CHD7: variants seen among roughly 807,000 people sequenced by gnomAD.
CHD7 encodes chromodomain helicase DNA binding protein 7, also known as ATP-dependent chromatin remodeler CHD7.
CHD7 carries 24 observed loss-of-function variants against 307.3 expected under a neutral mutation model. The observed-to-expected ratio is 0.08, with a 90% CI of 0.06 to 0.11. The LOEUF (loss-of-function observed/expected upper bound fraction) is 0.11, where lower values mean the gene tolerates loss of function less well. CHD7 is among the 10% of genes least tolerant of loss of function. CHD7 has a pLI of 1.00. For synonymous variants in CHD7, 1,363 were observed against 1,349.9 expected (o/e 1.01, Z -0.21); for missense variants, 3,106 against 3,727.1 (o/e 0.83, Z 4.34).
chr8:60,702,325 G>T (rs9643371), intron 1 of CHD7, among the ~76,000 whole-genome samples: 100,364 of 152,066 alleles, frequency 0.66, 35,260 homozygotes, highest in East Asian at 0.93. Flanking sequence ...GAAAATATAG[G>T]ATATTCTTAT....
rs760121832 is a variant in CHD7 at position 60,742,654 on chromosome 8, A to C, written c.1222A>C (p.Thr408Pro). The C allele has an allele frequency of 6.2e-7, 1 of 1,610,336 alleles. No individual in the cohort carries two copies. Among genetic ancestry groups the C allele is most frequent in the Non-Finnish European group, 8.5e-7 (1 of 1,177,446 alleles). ...PMKAMSNPAG[T>P]PPPQVRPGSA... is the part of the protein sequence containing the mutation. ...GAAAGCAATGAGTAATCCAGCAGGC[A>C]CTCCTCCTCCACAAGTCAGGCCGGG... The change falls in exon 2 of 38, where the codon ACT (threonine) becomes CCT (proline). Residue 408 changes from threonine to proline, a missense_variant. Physicochemically the swap from Thr to Pro is conservative, Grantham distance 38. Around this residue, in one of 10 missense-constraint regions of CHD7, gnomAD observed 998 missense variants for 1,004.5 expected, o/e 0.99. Transcript: ENST00000423902.
At chr8:60,707,023 A>C (rs1807057334) in intron 1 of CHD7, among the ~76,000 whole-genome samples, 1 of 151,992 alleles carries the variant, frequency 6.6e-6, no homozygotes, top group African/African-American at 2.4e-5. Flanking sequence ...CCTGTGTCCA[A>C]GTGTTCCCAT....
chr8:60,784,835 T>C (rs1395498338), intron 3 of CHD7, among the ~76,000 whole-genome samples: 3 of 152,294 alleles, frequency 2.0e-5, no homozygotes, highest in East Asian at 3.9e-4. Context: ...GAAAAAGACA[T>C]GTAAAACCTT....
chr8:60,769,805 C>T (rs1423825829), intron 2 of CHD7, among the ~76,000 whole-genome samples: 1 of 152,128 alleles, frequency 6.6e-6, no homozygotes, highest in Non-Finnish European at 1.5e-5. Context: ...ACTCTTCTGT[C>T]CCTATTTGAC....
intron 13 of CHD7, chr8:60,824,243 A>G (rs368927792): frequency 2.4e-5 from 11 of 460,272 alleles, no homozygotes; most frequent in Middle Eastern, 5.4e-4. Context: ...TGTAATCATG[A>G]TAGTTTCACT....
At chr8:60,843,416 C>T (rs1805060959) in intron 21 of CHD7, among the ~76,000 whole-genome samples, 1 of 152,214 alleles carries the variant, frequency 6.6e-6, no homozygotes, top group Admixed American at 6.5e-5. Context: ...TAAATAACTC[C>T]TACAGCTAAG....
intron 34 of CHD7, among the ~76,000 whole-genome samples, chr8:60,858,549 C>A (rs1276631300): frequency 1.3e-5 from 2 of 152,200 alleles, no homozygotes; most frequent in African/African-American, 4.8e-5. Context: ...GAAGTTTCTG[C>A]AGCTGACACT....
At chr8:60,691,001 T>G (rs866739908) in intron 1 of CHD7, among the ~76,000 whole-genome samples, 16 of 152,312 alleles carry the variant, frequency 1.1e-4, no homozygotes, top group Middle Eastern at 3.4e-3. Flanking sequence ...CTCGGCTCAC[T>G]GCCCACCTCC....
At chr8:60,835,634 C>A (rs767903889) in intron 15 of CHD7, among the ~76,000 whole-genome samples, 1 of 152,164 alleles carries the variant, frequency 6.6e-6, no homozygotes, top group Non-Finnish European at 1.5e-5. Flanking sequence ...ATTGTTAGGA[C>A]TCTATTCCTT....
At chr8:60,833,681 C>T (rs115678024) in intron 15 of CHD7, among the ~76,000 whole-genome samples, 1 of 152,198 alleles carries the variant, frequency 6.6e-6, no homozygotes, top group African/African-American at 2.4e-5. Context: ...TTGATATACA[C>T]ACTTTCCAGT....
At chr8:60,783,267 G>C (rs572860677) in intron 3 of CHD7, among the ~76,000 whole-genome samples, 1 of 152,048 alleles carries the variant, frequency 6.6e-6, no homozygotes, top group Non-Finnish European at 1.5e-5. Context: ...GAGTCCTTTG[G>C]GGCAGATATT....
intron 1 of CHD7, among the ~76,000 whole-genome samples, chr8:60,711,442 T>A (rs2150524710): frequency 6.6e-6 from 1 of 152,314 alleles, no homozygotes; most frequent in Admixed American, 6.5e-5. Context: ...ATTGTCCCTG[T>A]CTTTTCTGAG....
At position 60,757,407 on chromosome 8, in the gene CHD7, T is replaced by A. The variant is rs150963113; in HGVS notation, c.1665+14310T>A. ...ACTTTTTTGTCTCCTAAGAGAATTT[T>A]AAAAAAAATTCTCTTTTTCAGTTTG... On this transcript the variant is annotated intron_variant, in intron 2 of 37. Transcript: ENST00000423902. 5.5e-4 allele frequency among the ~76,000 whole-genome samples: 84 copies of A among 152,244 alleles called. No individual in the cohort carries two copies. In the East Asian group the frequency reaches 9.8e-3, roughly 18 times the overall value.
chr8:60,826,676 A>G (rs1320868728), intron 13 of CHD7, among the ~76,000 whole-genome samples: 1 of 152,190 alleles, frequency 6.6e-6, no homozygotes, highest in Admixed American at 6.5e-5. Flanking sequence ...GTTTGTGAAG[A>G]TGATACATTG....
intron 35 of CHD7, chr8:60,861,370 G>C (rs1268299954): frequency 2.4e-6 from 1 of 414,916 alleles, no homozygotes; most frequent in Non-Finnish European, 4.3e-6. Context: ...CTTACTGTTT[G>C]CTTCTCCCAT....
chr8:60,688,534 T>A, intron 1 of CHD7, among the ~76,000 whole-genome samples: 1 of 152,196 alleles, frequency 6.6e-6, no homozygotes, highest in East Asian at 1.9e-4. Context: ...GAAAATAACA[T>A]CTTTATGTCC....
intron 9 of CHD7, among the ~76,000 whole-genome samples, chr8:60,820,436 T>G (rs1803974024): frequency 6.6e-6 from 1 of 152,222 alleles, no homozygotes; most frequent in African/African-American, 2.4e-5. Flanking sequence ...TGAGTGTCTC[T>G]TGTGGCAGAA....
intron 7 of CHD7, among the ~76,000 whole-genome samples, chr8:60,816,109 G>GTCTCTCTCTCTCTC (rs1175311453): frequency 1.5e-5 from 1 of 67,026 alleles, no homozygotes; most frequent in South Asian, 6.6e-4. Context: ...CTGTCTGTCT[G>GTCTCTCTCTCTCTC]TCTGTCTCTC....
chr8:60,747,813 T>G (rs1305111775), intron 2 of CHD7, among the ~76,000 whole-genome samples: 4 of 152,196 alleles, frequency 2.6e-5, no homozygotes, highest in Non-Finnish European at 4.4e-5. Flanking sequence ...TTAGTAAGGG[T>G]GTCAGGACTT....
Sources: gnomAD v4.1 joint callset for allele counts (sites outside exome capture counted in the v4.1 genomes callset) on GRCh38, gnomAD v4.1.1 for gene constraint, gnomAD v4.1.1 regional missense constraint, MANE v1.5 for transcripts, NCBI Gene and HGNC (gene_info 2026-07-23, HGNC 2026-07-21) for gene names.